Variants in FANCA observed in about 807,000 individuals in gnomAD.
The protein encoded by FANCA is FA complementation group A.
In FANCA, 236 loss-of-function variants were observed where a neutral mutation model predicts 194.3. That is an observed-to-expected ratio of 1.21 (90% CI 1.09 to 1.35). The LOEUF (loss-of-function observed/expected upper bound fraction) is 1.35. Ranked by LOEUF, FANCA falls within the 40% of genes most tolerant of loss-of-function variation. The pLI, the probability that FANCA is intolerant of heterozygous loss-of-function variation, is 0.00. For missense variants in FANCA, 2,628 were observed against 1,813.9 expected, an observed-to-expected ratio of 1.45 and a Z score of -8.15; for synonymous variants, 1,014 against 715.8, an observed-to-expected ratio of 1.42 and a Z score of -6.65.
At chr16:89,794,622 T>C (rs1489627484) in intron 11 of FANCA, among the ~76,000 whole-genome samples, 1 of 152,034 alleles carries the variant, frequency 6.6e-6, no homozygotes, top group Non-Finnish European at 1.5e-5. Context: ...CTCAGCTCAG[T>C]CAAGTGATGA....
Position 89,779,865 on chromosome 16 carries a change from C to T in FANCA, c.1715+4G>A, listed in dbSNP as rs2143432094. 6.2e-7 allele frequency: 1 copy of T among 1,613,432 alleles called. No homozygotes were observed. Among genetic ancestry groups the T allele is most frequent in the Non-Finnish European group, 8.5e-7 (1 of 1,179,946 alleles). On this transcript the variant is annotated splice_donor_region_variant and intron_variant, in intron 18 of 42. Transcript: ENST00000389301. ...CTAGAGGCCTTTTCGGCAGCCCAGC[C>T]TACCTGGCCTCCATGACGGTGACTG...
Position 89,808,318 on chromosome 16 carries a change from A to G in FANCA, c.572T>C (p.Val191Ala), listed in dbSNP as rs1245987879. ...CCTTTCCAGCAGCTCTTGCAGGCTC[A>G]CAATGCCTTGTACGTGAAGATGCCA... ...AVWHLHVQGIVSLQELLESHP... is the reference protein window; with the variant it reads ...AVWHLHVQGIASLQELLESHP... Residue 191 changes from valine (V) to alanine (A), a missense_variant, in exon 6 of 43, where the codon GTG becomes GCG. Physicochemically the swap from Val to Ala is moderately conservative, Grantham distance 64. Coordinates refer to ENST00000389301, the MANE Select transcript of FANCA (RefSeq NM_000135.4). 6.8e-6 allele frequency: 11 copies of G among 1,614,060 alleles called. No individual in the cohort carries two copies. Among genetic ancestry groups the G allele is most frequent in the Non-Finnish European group, 7.6e-6 (9 of 1,180,026 alleles).
chr16:89,746,410 C>T (rs964586574), intron 35 of FANCA, among the ~76,000 whole-genome samples, 174 bp downstream of exon 35: 4 of 152,092 alleles, frequency 2.6e-5, no homozygotes, highest in East Asian at 1.9e-4. Context: ...TCAGGATGTG[C>T]GGCCCTCATC....
chr16:89,804,652 G>A (rs909682655), intron 7 of FANCA, among the ~76,000 whole-genome samples: 1 of 152,128 alleles, frequency 6.6e-6, no homozygotes, highest in Non-Finnish European at 1.5e-5. Context: ...AAACTGGGTT[G>A]GTCCCTAGTC....
At chr16:89,785,747 C>G (rs1452763767) in intron 14 of FANCA, among the ~76,000 whole-genome samples, 1 of 152,102 alleles carries the variant, frequency 6.6e-6, no homozygotes, top group Non-Finnish European at 1.5e-5. Flanking sequence ...CTTGAGACCA[C>G]AGGACATCCT....
chr16:89,753,961 G>A (rs1425502483), intron 30 of FANCA, among the ~76,000 whole-genome samples: 2 of 152,240 alleles, frequency 1.3e-5, no homozygotes, highest in African/African-American at 4.8e-5. Flanking sequence ...GGCTGAGGCA[G>A]CAGAATTGCC....
chr16:89,738,719 GGAGCAGGT>G lies in FANCA; in HGVS notation c.4261-19_4261-12del, dbSNP rs1567591276. The stretch of plus-strand genomic sequence containing the variant: ...ACGATCAGCCAGCAGCTGTGAGAGA[GGAGCAGGT>G]CCTCAGCCCATGCCGCCCACTAGGC... On this transcript the variant is annotated splice_polypyrimidine_tract_variant and intron_variant, in intron 42 of 42. Coordinates refer to ENST00000389301, the MANE Select transcript of FANCA (RefSeq NM_000135.4). The G allele has an allele frequency of 1.2e-6, 2 of 1,613,722 alleles. No individual in the cohort carries two copies. The highest frequency in any genetic ancestry group is 1.7e-4 in the Middle Eastern group (1 of 6,060).
intron 10 of FANCA, among the ~76,000 whole-genome samples, chr16:89,797,350 G>C (rs1056357982): frequency 5.3e-5 from 8 of 151,580 alleles, no homozygotes; most frequent in African/African-American, 1.9e-4. Context: ...AAGAAAGAAA[G>C]AAAGAAAATC....
At chr16:89,773,514 C>A (rs1286615438) in intron 21 of FANCA, 130 bp from the exon 22 acceptor site, 44 of 714,144 alleles carry the variant, frequency 6.2e-5, no homozygotes, top group Non-Finnish European at 9.5e-5. Context: ...GACGGAGGGA[C>A]TGGGAGTCTC....
intron 4 of FANCA, 38 bp downstream of exon 4, chr16:89,810,891 A>G (rs370669243): frequency 1.2e-6 from 2 of 1,614,172 alleles, no homozygotes; most frequent in East Asian, 4.5e-5. Context: ...CTTAAAAGTA[A>G]CAACGGGCAG....
rs565732635 is a variant in FANCA at position 89,786,343 on chromosome 16, C to T, written c.1360-1379G>A. ...GGATTACAGGTGTGCACCACCATGC[C>T]TGGCTAATTTTGTGTTTTTAGTAGA... On this transcript the variant is annotated intron_variant, in intron 14 of 42. Coordinates refer to ENST00000389301, the MANE Select transcript of FANCA (RefSeq NM_000135.4). Among the ~76,000 whole-genome samples the T allele has an allele frequency of 2.0e-5, 3 of 152,284 alleles. No homozygotes were observed. The South Asian group carries it at 6.2e-4, about 32-fold the overall frequency.
Position 89,791,414 on chromosome 16 carries a change from C to A in FANCA, c.1348G>T (p.Asp450Tyr), listed in dbSNP as rs1262122499. Reference protein sequence around the residue: ...EGPSAFLSYADWFKASFGSTR... With the variant: ...EGPSAFLSYAYWFKASFGSTR... Reference sequence around the variant, plus strand: ...GGCAGGTCACTTACCTTGAACCAGTCTGCATATGACAGGAACGCAGAGGGG... The same window carrying A: ...GGCAGGTCACTTACCTTGAACCAGTATGCATATGACAGGAACGCAGAGGGG... The change falls in exon 14 of 43, where the codon GAC becomes TAC. Residue 450 changes from aspartate (D) to tyrosine (Y), a missense_variant. Transcript: ENST00000389301. 1 of 1,614,032 alleles carries A rather than the reference C, an allele frequency of 6.2e-7. No homozygotes were observed. The highest frequency in any genetic ancestry group is 8.5e-7 in the Non-Finnish European group (1 of 1,179,962).
intron 5 of FANCA, chr16:89,810,497 A>G: frequency 3.5e-6 from 2 of 572,442 alleles, no homozygotes; most frequent in Non-Finnish European, 6.2e-6. Flanking sequence ...AAATATTACT[A>G]ATGATAGGTG....
chr16:89,749,863 C>T lies in FANCA; in HGVS notation c.3106G>A (p.Val1036Met). 6.2e-7 allele frequency: 1 copy of T among 1,614,216 alleles called. No homozygotes were observed. Among genetic ancestry groups the T allele is most frequent in the Non-Finnish European group, 8.5e-7 (1 of 1,180,042 alleles). Reference protein sequence around the residue: ...ADLELQQDLIVPLGHTPSQEH... With the variant: ...ADLELQQDLIMPLGHTPSQEH... ...TGGGAAGGGGTGTGGCCGAGAGGCA[C>T]TATGAGGTCTTGCTGCAGCTCCAGG... The change falls in exon 32 of 43, where the codon GTG becomes ATG. Residue 1036 changes from valine (V) to methionine (M), a missense_variant. By Grantham distance (21) the Val-to-Met change is conservative. Coordinates refer to ENST00000389301, the MANE Select transcript of FANCA (RefSeq NM_000135.4).
chr16:89,786,015 AT>A (rs67279101), intron 14 of FANCA, among the ~76,000 whole-genome samples: 207 of 104,088 alleles, frequency 2.0e-3, no homozygotes, highest in Middle Eastern at 9.8e-3. Context: ...ACTCCCAGCT[AT>A]TTTTTTTTTT....
chr16:89,801,483 C>G (rs1358387489), intron 8 of FANCA, among the ~76,000 whole-genome samples: 2 of 151,920 alleles, frequency 1.3e-5, no homozygotes, highest in African/African-American at 2.4e-5. Context: ...AGAATGCAAA[C>G]AGAACTCTTA....
intron 11 of FANCA, among the ~76,000 whole-genome samples, chr16:89,793,274 G>T (rs575344389): frequency 1.3e-5 from 2 of 152,156 alleles, no homozygotes; most frequent in African/African-American, 4.8e-5. Context: ...AGACGCTGCC[G>T]TCACCGCTAG....
chr16:89,781,929 C>A (rs905097295), intron 17 of FANCA, among the ~76,000 whole-genome samples: 1 of 149,508 alleles, frequency 6.7e-6, no homozygotes, highest in Non-Finnish European at 1.5e-5. Context: ...ATGGCGTGAA[C>A]CCAGGAGGCA....
rs751625997 is a variant in FANCA, at chr16:89,746,572, C to A, written c.3513+12G>T. 4 of 1,611,314 alleles carry A rather than the reference C, an allele frequency of 2.5e-6. No homozygotes were observed. Among genetic ancestry groups the A allele is most frequent in the Non-Finnish European group, 3.4e-6 (4 of 1,177,486 alleles). On this transcript the variant is annotated intron_variant, in intron 35 of 42. Transcript: ENST00000389301. ...CCCCAAAACAAAACACCAAACAAGA[C>A]AGCTGACCCACCAGAGCAGAGGTCA...
Sources: gnomAD v4.1 joint callset for allele counts (sites outside exome capture counted in the v4.1 genomes callset) on GRCh38, gnomAD v4.1.1 for gene constraint, MANE v1.5 for transcripts, NCBI Gene and HGNC (gene_info 2026-07-23, HGNC 2026-07-21) for gene names.